The following LMCD1 variants were observed in gnomAD, a reference collection of about 807,000 sequenced individuals.
LMCD1 encodes the protein LIM and cysteine rich domains 1, also known as LIM and cysteine-rich domains protein 1.
Under a neutral mutation model 42.7 loss-of-function variants are expected in LMCD1, and 32 were observed. The ratio of observed to expected loss-of-function variants is 0.75; its 90% CI spans 0.57 to 1.01. The LOEUF (loss-of-function observed/expected upper bound fraction) is 1.01. LMCD1 is among the 50% of genes least tolerant of loss of function. The pLI, the probability that LMCD1 is intolerant of heterozygous loss-of-function variation, is 0.00. For synonymous variants in LMCD1, 178 were observed against 184.9 expected, an observed-to-expected ratio of 0.96 and a Z score of 0.30; for missense variants, 458 against 483.1, an observed-to-expected ratio of 0.95 and a Z score of 0.49.
intron 1 of LMCD1, among the ~76,000 whole-genome samples, chr3:8,519,547 TG>T (rs1694160099): frequency 6.6e-6 from 1 of 152,262 alleles, no homozygotes; most frequent in South Asian, 2.1e-4. Context: ...TTCATAAAAC[TG>T]AGCTTAGAAA....
intron 1 of LMCD1, among the ~76,000 whole-genome samples, chr3:8,526,654 G>T (rs1195601307): frequency 6.6e-6 from 1 of 152,198 alleles, no homozygotes; most frequent in Non-Finnish European, 1.5e-5. Flanking sequence ...TCTGGGGTGA[G>T]GCTTGAGAAT....
chr3:8,532,962 A>G, intron 2 of LMCD1, 137 bp downstream of exon 2: 2 of 713,318 alleles, frequency 2.8e-6, no homozygotes, highest in Non-Finnish European at 4.9e-6. Context: ...GAGGGAAGGC[A>G]CTCCTGCTTG....
In LMCD1 at chr3:8,568,236, C is replaced by A. The variant is rs1471114032; in HGVS notation, c.*638C>A. The A allele has an allele frequency of 7.9e-5, 12 of 152,214 alleles. No individual in the cohort carries two copies. The highest frequency in any genetic ancestry group is 7.9e-4 in the Admixed American group (12 of 15,274). The allele number at this position is 152,214 out of a possible 1,614,324, so 9.4% of individuals were successfully genotyped here. ...TCTATCAATGTATCTCATCAGACTTCCACTGGGAGTGTAGGCTTTGGGACA... is the reference window on the plus strand; with the variant it reads ...TCTATCAATGTATCTCATCAGACTTACACTGGGAGTGTAGGCTTTGGGACA... On this transcript the variant is annotated 3_prime_UTR_variant, in exon 6 of 6. Coordinates refer to ENST00000157600, the MANE Select transcript of LMCD1 (RefSeq NM_014583.4).
intron 4 of LMCD1, among the ~76,000 whole-genome samples, chr3:8,560,570 G>T (rs894948065): frequency 8.5e-5 from 13 of 152,194 alleles, no homozygotes; most frequent in Non-Finnish European, 1.5e-4. Flanking sequence ...AGTCCCTTTT[G>T]TGTGGGAGGG....
intron 1 of LMCD1, among the ~76,000 whole-genome samples, chr3:8,505,544 A>G (rs373448793): frequency 1.8e-4 from 28 of 152,232 alleles, no homozygotes; most frequent in Admixed American, 1.8e-3. Context: ...TCAAGGAACC[A>G]TCTGTAGGAA....
rs191879390 is a variant in LMCD1 at position 8,530,059 on chromosome 3, C to G, written c.43-2678C>G. 1.7e-3 allele frequency among the ~76,000 whole-genome samples: 261 copies of G among 152,332 alleles called. 1 individual carries two copies. The highest frequency in any genetic ancestry group is 3.4e-3 in the Middle Eastern group (1 of 294). On this transcript the variant is annotated intron_variant, in intron 1 of 5. Coordinates refer to ENST00000157600, the MANE Select transcript of LMCD1 (RefSeq NM_014583.4). The stretch of plus-strand genomic sequence containing the variant: ...AAACCCGGGACTAAAGCCTGGGTCT[C>G]CAAACCCGAAACAGTTGCTTGCTCT...
chr3:8,501,876 C>T lies in LMCD1; in HGVS notation c.-63C>T, dbSNP rs962624385. 11 of 1,507,100 alleles carry T rather than the reference C, an allele frequency of 7.3e-6. No individual in the cohort carries two copies. The highest frequency in any genetic ancestry group is 1.4e-5 in the African/African-American group (1 of 69,836). The allele number at this position is 1,507,100 out of a possible 1,614,324, so 93.4% of individuals were successfully genotyped here. On this transcript the variant is annotated 5_prime_UTR_variant, in exon 1 of 6. Transcript: ENST00000157600. ...CTTGGCCATTCAGCCGCCGCTGTCC[C>T]CGCTGCGCGCCCTCGCGCCTCTGCC...
chr3:8,533,251 T>G (rs2125022938), intron 2 of LMCD1, among the ~76,000 whole-genome samples: 1 of 152,020 alleles, frequency 6.6e-6, no homozygotes, highest in Non-Finnish European at 1.5e-5. Context: ...GAAAGAGAGG[T>G]CATTCTGTCC....
chr3:8,559,946 G>A (rs1374221556), intron 4 of LMCD1, among the ~76,000 whole-genome samples: 2 of 152,210 alleles, frequency 1.3e-5, no homozygotes, highest in Non-Finnish European at 2.9e-5. Context: ...GAACAGTGAG[G>A]GAAGAAATGC....
At chr3:8,509,941 T>G (rs1175450478) in intron 1 of LMCD1, among the ~76,000 whole-genome samples, 1 of 152,260 alleles carries the variant, frequency 6.6e-6, no homozygotes, top group Non-Finnish European at 1.5e-5. Context: ...TCAGCCTTCC[T>G]ACAGCGATAC....
intron 4 of LMCD1, among the ~76,000 whole-genome samples, chr3:8,560,066 C>T (rs1695004448): frequency 6.6e-6 from 1 of 152,192 alleles, no homozygotes; most frequent in African/African-American, 2.4e-5. Flanking sequence ...GAGAATATCT[C>T]CCTACAGTGC....
intron 4 of LMCD1, among the ~76,000 whole-genome samples, chr3:8,558,038 G>C (rs165178): frequency 0.2 from 30,014 of 152,178 alleles, 3,358 homozygotes; most frequent in South Asian, 0.28. Context: ...CCTGTCAGCT[G>C]AGGGCTCCCA....
chr3:8,516,203 A>T (rs1694095279), intron 1 of LMCD1, among the ~76,000 whole-genome samples: 1 of 152,088 alleles, frequency 6.6e-6, no homozygotes, highest in Admixed American at 6.6e-5. Context: ...AACAAACTCT[A>T]GTGATTTCCG....
At chr3:8,537,761 T>C (rs1159770035) in intron 3 of LMCD1, among the ~76,000 whole-genome samples, 1 of 152,196 alleles carries the variant, frequency 6.6e-6, no homozygotes, top group African/African-American at 2.4e-5. Context: ...CACTCAAAAT[T>C]CTGAGTGCTT....
At chr3:8,536,341 A>G (rs1461537676) in intron 2 of LMCD1, among the ~76,000 whole-genome samples, 2 of 152,144 alleles carry the variant, frequency 1.3e-5, no homozygotes, top group Non-Finnish European at 2.9e-5. Context: ...TGATTTCTAA[A>G]CCTTAACAGC....
Position 8,526,605 on chromosome 3 carries a change from A to C in LMCD1, c.43-6132A>C, listed in dbSNP as rs894342661. ...AATCACCTGGAGGTCTTGAACAGCG[A>C]TGTCTGGGCCCCACCTGCAGAATGT... is the stretch of plus-strand genomic sequence containing the variant. On this transcript the variant is annotated intron_variant, in intron 1 of 5. Transcript: ENST00000157600. Among the ~76,000 whole-genome samples the C allele has an allele frequency of 4.6e-5, 7 of 152,286 alleles. No homozygotes were observed. In the South Asian group the frequency reaches 1.2e-3, roughly 27 times the overall value.
chr3:8,539,533 C>T (rs1313316232), intron 3 of LMCD1, among the ~76,000 whole-genome samples: 1 of 152,118 alleles, frequency 6.6e-6, no homozygotes, highest in East Asian at 1.9e-4. Flanking sequence ...CTATCAAGCA[C>T]GTCTCCAGGA....
intron 4 of LMCD1, among the ~76,000 whole-genome samples, chr3:8,561,786 T>C (rs1334774763): frequency 6.6e-6 from 1 of 152,028 alleles, no homozygotes; most frequent in Non-Finnish European, 1.5e-5. Context: ...ATGTAAGGGG[T>C]AATAGTAATG....
intron 1 of LMCD1, among the ~76,000 whole-genome samples, chr3:8,504,642 G>C (rs1693839725): frequency 6.6e-6 from 1 of 152,248 alleles, no homozygotes; most frequent in African/African-American, 2.4e-5. Context: ...CATACATCGT[G>C]GCAGAGCTTA....
Sources: allele counts gnomAD v4.1 joint callset (sites outside exome capture counted in the v4.1 genomes callset), GRCh38; gene constraint gnomAD v4.1.1; transcripts MANE v1.5; gene names NCBI Gene and HGNC (gene_info 2026-07-23, HGNC 2026-07-21).